The following ARPC1B variants were observed in gnomAD, a reference collection of about 807,000 sequenced individuals.
ARPC1B encodes the protein actin related protein 2/3 complex subunit 1B.
Under a neutral mutation model 46.0 loss-of-function variants are expected in ARPC1B, and 29 were observed. The observed-to-expected ratio is 0.63, with a 90% confidence interval of 0.47 to 0.86. The LOEUF is 0.86. Among genes scored for constraint, ARPC1B ranks in the 40% least tolerant of loss-of-function variants. The probability of loss-of-function intolerance (pLI) is 0.00; values close to 1 mark genes in which losing one functional copy is unlikely to be tolerated. For synonymous variants in ARPC1B, 201 were observed against 213.9 expected (o/e 0.94, Z 0.53); for missense variants, 469 against 529.4 (o/e 0.89, Z 1.12).
chr7:99,392,585 C>T (rs939640759), intron 7 of ARPC1B, 86 bp from the exon 8 acceptor site: 1 of 1,248,140 alleles, frequency 8.0e-7, no homozygotes, highest in African/African-American at 1.6e-5. Flanking sequence ...GCATCTGCCT[C>T]CCGGGCGGCC....
chr7:99,389,593 T>C, intron 4 of ARPC1B: 1 of 290,974 alleles, frequency 3.4e-6, no homozygotes, highest in Non-Finnish European at 6.6e-6. Context: ...GAGACCCAAA[T>C]TTGCATCCCA....
chr7:99,385,033 T>C (rs1392202822), intron 1 of ARPC1B, among the ~76,000 whole-genome samples: 1 of 141,522 alleles, frequency 7.1e-6, no homozygotes, highest in Non-Finnish European at 1.5e-5. Flanking sequence ...TGGTGCGATC[T>C]CGGCTTACTG....
At position 99,388,273 on chromosome 7, in the gene ARPC1B, G is replaced by C. The variant is rs558360101; in HGVS notation, c.392+12G>C. On this transcript the variant is annotated intron_variant, in intron 4 of 9. Transcript: ENST00000646101. ...CAGGAGAATGACTGGTGGGTACCTA[G>C]GCAGGGCCAGAGTGGGCTGTTAGGG... is the stretch of plus-strand genomic sequence containing the variant. The C allele has an allele frequency of 2.3e-4, 374 of 1,612,802 alleles. 4 individuals carry two copies. In the South Asian group the frequency reaches 3.9e-3, roughly 17 times the overall value.
chr7:99,389,124 A>C (rs1424532842), intron 4 of ARPC1B: 3 of 151,184 alleles, frequency 2.0e-5, no homozygotes, highest in Non-Finnish European at 4.4e-5. Flanking sequence ...TTTAGTAGAG[A>C]TGGGGTTTCT....
chr7:99,375,738 C>T (rs1039790744), intron 1 of ARPC1B, among the ~76,000 whole-genome samples: 2 of 152,286 alleles, frequency 1.3e-5, no homozygotes, highest in African/African-American at 2.4e-5. Flanking sequence ...GCATGGACAG[C>T]ATTGCGAGAC....
intron 9 of ARPC1B, 75 bp from the exon 10 acceptor site, chr7:99,394,376 G>A (rs1794695628): frequency 8.3e-6 from 11 of 1,319,188 alleles, no homozygotes; most frequent in Admixed American, 6.8e-5. Context: ...GGGCTGAGAT[G>A]GGTGATCAGG....
intron 2 of ARPC1B, 132 bp from the exon 3 acceptor site, chr7:99,386,553 C>A: frequency 1.2e-6 from 1 of 820,806 alleles, no homozygotes; most frequent in South Asian, 1.3e-5. Context: ...TTCAGGGGGC[C>A]CCTGCAAGGC....
At position 99,391,118 on chromosome 7, in the gene ARPC1B, CA is replaced by C. The variant is rs1242423277; in HGVS notation, c.707+20del. ...AGATGGCGTGAGTCGAGGCCATCCC[CA>C]GGGGAGGAGGTGAGTGCAGAGGAGT... On this transcript the variant is annotated intron_variant, in intron 6 of 9. Transcript: ENST00000646101. 16 of 1,612,570 alleles carry C rather than the reference CA, an allele frequency of 9.9e-6. No homozygotes were observed. The highest frequency in any genetic ancestry group is 1.7e-5 in the Admixed American group (1 of 59,794).
chr7:99,387,212 C>T (rs543599417), intron 3 of ARPC1B, among the ~76,000 whole-genome samples: 9 of 152,212 alleles, frequency 5.9e-5, no homozygotes, highest in African/African-American at 2.2e-4. Context: ...GAGGCCAAGG[C>T]GAGTGGATCG....
chr7:99,393,831 G>A (rs1026319439), intron 8 of ARPC1B, among the ~76,000 whole-genome samples, 198 bp from the exon 9 acceptor site: 1 of 152,068 alleles, frequency 6.6e-6, no homozygotes, highest in Non-Finnish European at 1.5e-5. Context: ...CCCAGGACTT[G>A]AGTGTCCTGT....
Position 99,388,252 on chromosome 7 carries a change from A to G in ARPC1B, c.383A>G (p.Glu128Gly), listed in dbSNP as rs1794458531. Residue 128 changes from glutamate to glycine, a missense_variant, in exon 4 of 10, where the codon GAG (glutamate) becomes GGG (glycine). Glu to Gly is a moderately conservative substitution (Grantham distance 98, BLOSUM62 -2). Coordinates refer to ENST00000646101, the MANE Select transcript of ARPC1B (RefSeq NM_005720.4). ...ATCTCCATCTGTTATTTCGAGCAGG[A>G]GAATGACTGGTGGGTACCTAGGCAG... is the stretch of plus-strand genomic sequence containing the variant. ...RVISICYFEQENDWWVCKHIK... is the reference protein window; with the variant it reads ...RVISICYFEQGNDWWVCKHIK... The G allele has an allele frequency of 6.2e-7, 1 of 1,613,990 alleles. No homozygotes were observed. Among genetic ancestry groups the G allele is most frequent in the Non-Finnish European group, 8.5e-7 (1 of 1,179,870 alleles).
chr7:99,389,873 T>G, intron 4 of ARPC1B, 32 bp from the exon 5 acceptor site: 1 of 1,584,078 alleles, frequency 6.3e-7, no homozygotes, highest in Non-Finnish European at 8.7e-7. Context: ...TGCCTGTCCC[T>G]CTCTCCCTGT....
In ARPC1B at chr7:99,392,639, C is replaced by T. The variant is rs891806125; in HGVS notation, c.784-32C>T. On this transcript the variant is annotated intron_variant, in intron 7 of 9. Coordinates refer to ENST00000646101, the MANE Select transcript of ARPC1B (RefSeq NM_005720.4). ...CCCTCCGGCCTCGGTTTCCCCTCCG[C>T]GGCGCTCCAATGGCCCCCGCCCTCC... The T allele has an allele frequency of 1.4e-5, 21 of 1,448,600 alleles. No individual in the cohort carries two copies. The African/African-American group carries it at 1.5e-4, about 10-fold the overall frequency. The allele number at this position is 1,448,600 out of a possible 1,614,324, so 89.7% of individuals were successfully genotyped here. A position where few individuals can be genotyped will look rare whatever the true frequency, so the allele number is the denominator to read the frequency against.
At chr7:99,381,277 C>T (rs979300820) in intron 1 of ARPC1B, among the ~76,000 whole-genome samples, 4 of 152,096 alleles carry the variant, frequency 2.6e-5, no homozygotes, top group Non-Finnish European at 4.4e-5. Context: ...AGTGCGCTTG[C>T]GTGTGTGCAA....
chr7:99,385,393 A>C (rs1355558660), intron 1 of ARPC1B, among the ~76,000 whole-genome samples: 1 of 146,092 alleles, frequency 6.8e-6, no homozygotes, highest in African/African-American at 2.5e-5. Context: ...CTAGCACCCC[A>C]CCCCGCCCCA....
chr7:99,374,577 G>A (rs1335640803), upstream of ARPC1B: 1 of 152,152 alleles, frequency 6.6e-6, no homozygotes, highest in Admixed American at 6.5e-5. The surrounding 1 kb of genome is among the most constrained non-coding windows in gnomAD (Gnocchi z 5.0). Context: ...ACGTCTGCGC[G>A]GGTACCGGCA....
chr7:99,385,798 C>T lies in ARPC1B; in HGVS notation c.64+20C>T, dbSNP rs116514404. 7.8e-4 allele frequency: 1,253 copies of T among 1,600,176 alleles called. 7 individuals carry two copies. The highest frequency in any genetic ancestry group is 4.9e-3 in the African/African-American group (364 of 74,950). On this transcript the variant is annotated intron_variant, in intron 2 of 9. Transcript: ENST00000646101. ...GCACCCGTGAGTGCTTGCTGGGGGC[C>T]GGTGGGTGGCTGCTTCCACCTCCTG...
At chr7:99,392,964 T>G (rs1203449722) in intron 8 of ARPC1B, 88 bp downstream of exon 8, 1 of 1,327,304 alleles carries the variant, frequency 7.5e-7, no homozygotes, top group African/African-American at 1.5e-5. Flanking sequence ...GGAGTCTTCC[T>G]CCTGGGGCAT....
At position 99,379,805 on chromosome 7, in the gene ARPC1B, A is replaced by ATTT. The variant is rs376760661; in HGVS notation, c.-14+5038_-14+5040dup. ...TGCCTGGCACCACCATGCCTGGCTAATTTTTTTTTTTTTTTTCCAAGTGGA... is the reference window on the plus strand; with the variant it reads ...TGCCTGGCACCACCATGCCTGGCTAATTTTTTTTTTTTTTTTTTTCCAAGTGGA... On this transcript the variant is annotated intron_variant, in intron 1 of 9. Transcript: ENST00000646101. 9.3e-3 allele frequency among the ~76,000 whole-genome samples: 1,326 copies of ATTT among 142,022 alleles called. 16 individuals carry two copies. Among genetic ancestry groups the ATTT allele is most frequent in the African/African-American group, 0.033 (1,261 of 38,038 alleles). The allele number at this position is 142,022 out of a possible 152,430, so 93.2% of individuals were successfully genotyped here.
Sources: allele counts gnomAD v4.1 joint callset (sites outside exome capture counted in the v4.1 genomes callset), GRCh38; gene constraint gnomAD v4.1.1; non-coding constraint Gnocchi (gnomAD v3.1); transcripts MANE v1.5; gene names NCBI Gene and HGNC (gene_info 2026-07-23, HGNC 2026-07-21).